PTPRM: variants seen among roughly 807,000 people sequenced by gnomAD.
The protein encoded by PTPRM is receptor-type tyrosine-protein phosphatase mu.
A neutral mutation model predicts 186.7 loss-of-function variants in PTPRM; 47 were observed. The observed-to-expected ratio is 0.25, with a 90% CI of 0.20 to 0.32. The LOEUF (loss-of-function observed/expected upper bound fraction) is 0.32. PTPRM is among the 10% of genes least tolerant of loss of function. The pLI, the probability that PTPRM is intolerant of heterozygous loss-of-function variation, is 1.00. For missense variants in PTPRM, 1,494 were observed against 1,865.0 expected, an observed-to-expected ratio of 0.80 and a Z score of 3.66; for synonymous variants, 668 against 674.9, an observed-to-expected ratio of 0.99 and a Z score of 0.16.
intron 1 of PTPRM, among the ~76,000 whole-genome samples, chr18:7,752,690 A>G (rs575490731): frequency 5.3e-4 from 81 of 152,010 alleles, no homozygotes; most frequent in African/African-American, 1.9e-3. Context: ...TGATCCGCCT[A>G]CCTCGGCCTC....
At chr18:8,372,827 A>T (rs2095671563) in intron 24 of PTPRM, among the ~76,000 whole-genome samples, 1 of 151,394 alleles carries the variant, frequency 6.6e-6, no homozygotes, top group African/African-American at 2.4e-5. Context: ...TTTTTTCTTT[A>T]AAAAAAAATC....
intron 2 of PTPRM, among the ~76,000 whole-genome samples, chr18:7,819,518 A>G (rs1443903640): frequency 6.6e-6 from 1 of 152,126 alleles, no homozygotes; most frequent in Non-Finnish European, 1.5e-5. Flanking sequence ...ACTCTAGGGG[A>G]AAAGCATCTC....
At chr18:7,868,676 C>T (rs1338970982) in intron 2 of PTPRM, among the ~76,000 whole-genome samples, 1 of 152,236 alleles carries the variant, frequency 6.6e-6, no homozygotes, top group Non-Finnish European at 1.5e-5. Context: ...GCACAGGGGT[C>T]AGGGACCCAC....
chr18:7,826,101 G>A (rs541327186), intron 2 of PTPRM, among the ~76,000 whole-genome samples: 26 of 152,272 alleles, frequency 1.7e-4, no homozygotes, highest in African/African-American at 5.5e-4. Context: ...CAATAGCAGC[G>A]TTCAGAACCT....
chr18:7,807,270 C>A (rs925261741), intron 2 of PTPRM, among the ~76,000 whole-genome samples: 3 of 152,218 alleles, frequency 2.0e-5, no homozygotes, highest in Non-Finnish European at 4.4e-5. Flanking sequence ...AGGAAAGACT[C>A]TTCTTACACT....
At chr18:8,404,269 C>G (rs1352200842) in intron 32 of PTPRM, 3 of 152,218 alleles carry the variant, frequency 2.0e-5, no homozygotes, top group African/African-American at 7.2e-5. Context: ...TGACATTAAT[C>G]TCATGGCACC....
chr18:7,712,448 G>A (rs1242689821), intron 1 of PTPRM, among the ~76,000 whole-genome samples: 3 of 152,056 alleles, frequency 2.0e-5, no homozygotes, highest in South Asian at 2.1e-4. Flanking sequence ...CTGGAATGCC[G>A]AATGCCTCTT....
At chr18:7,749,904 C>T (rs1279183726) in intron 1 of PTPRM, among the ~76,000 whole-genome samples, 1 of 152,176 alleles carries the variant, frequency 6.6e-6, no homozygotes, top group African/African-American at 2.4e-5. Context: ...TTAAAAAATT[C>T]AGTTAAGCAA....
intron 14 of PTPRM, among the ~76,000 whole-genome samples, chr18:8,152,106 T>C (rs914078827): frequency 3.3e-5 from 5 of 152,166 alleles, no homozygotes; most frequent in Non-Finnish European, 7.4e-5. Context: ...TATTCAGCCA[T>C]CTTGCCAGCA....
chr18:7,788,396 A>C (rs1052337775), intron 2 of PTPRM, among the ~76,000 whole-genome samples: 1 of 152,216 alleles, frequency 6.6e-6, no homozygotes, highest in Admixed American at 6.5e-5. Flanking sequence ...TTGGAAAAAT[A>C]TGAAAGTATG....
At chr18:7,954,041 C>T (rs569529636) in intron 6 of PTPRM, among the ~76,000 whole-genome samples, 45 of 152,120 alleles carry the variant, frequency 3.0e-4, no homozygotes, top group African/African-American at 1.0e-3. Flanking sequence ...GGTAGAAATA[C>T]GTTGTTTTGT....
At chr18:8,339,187 A>G (rs2095458691) in intron 22 of PTPRM, among the ~76,000 whole-genome samples, 2 of 151,864 alleles carry the variant, frequency 1.3e-5, no homozygotes, top group Admixed American at 1.3e-4. Context: ...TTGAAAAAAA[A>G]AAACGTTCCG....
chr18:8,374,490 C>G lies in PTPRM; in HGVS notation c.3172-1556C>G, dbSNP rs1425542845. Among the ~76,000 whole-genome samples, 3 of 152,120 alleles carry G rather than the reference C, an allele frequency of 2.0e-5. No individual in the cohort carries two copies. The East Asian group carries it at 5.8e-4, about 29-fold the overall frequency. On this transcript the variant is annotated intron_variant, in intron 24 of 32. Transcript: ENST00000580170. ...GTCATCATGCAGAAAGCTGGGGGAG[C>G]TTTCTAGGGGTTTTGAGGGTGACAC...
intron 32 of PTPRM, chr18:8,404,332 C>T (rs1157186232): frequency 6.6e-6 from 1 of 152,196 alleles, no homozygotes; most frequent in Non-Finnish European, 1.5e-5. Context: ...TGGATCATGA[C>T]CTTCCCGAGG....
rs139292009 is a variant in PTPRM at position 8,379,107 on chromosome 18, C to T, written c.3613-60C>T. The T allele has an allele frequency of 1.3e-4, 192 of 1,439,822 alleles. 1 individual carries two copies. In the South Asian group the frequency reaches 1.6e-3, roughly 12 times the overall value. 89.2% of individuals were successfully genotyped at this position (1,439,822 alleles called of 1,614,324 possible). A position where few individuals can be genotyped will look rare whatever the true frequency, so the allele number is the denominator to read the frequency against. On this transcript the variant is annotated intron_variant, in intron 27 of 32. Coordinates refer to ENST00000580170, the MANE Select transcript of PTPRM (RefSeq NM_001105244.2). ...AAGTTTGCATCTTTCGAAAACTGCA[C>T]GTGAGAGGAGTCCGCTGCCAAGGCT...
intron 1 of PTPRM, among the ~76,000 whole-genome samples, chr18:7,628,197 G>A (rs779270460): frequency 5.9e-5 from 9 of 152,066 alleles, no homozygotes; most frequent in Non-Finnish European, 1.0e-4. Flanking sequence ...CACAGGATAT[G>A]TATTCTGTGA....
chr18:7,577,421 G>T (rs1166986621), intron 1 of PTPRM, among the ~76,000 whole-genome samples: 1 of 152,078 alleles, frequency 6.6e-6, no homozygotes, highest in African/African-American at 2.4e-5. Context: ...GTATATTAAA[G>T]GAACCATGGT....
At chr18:7,862,991 A>G (rs17558863) in intron 2 of PTPRM, among the ~76,000 whole-genome samples, 7,632 of 152,238 alleles carry the variant, frequency 0.05, 193 homozygotes, top group Middle Eastern at 0.12. Context: ...TATTGCTTCC[A>G]ATAGTCATAC....
At chr18:8,195,012 A>T (rs1378055249) in intron 14 of PTPRM, among the ~76,000 whole-genome samples, 1 of 152,312 alleles carries the variant, frequency 6.6e-6, no homozygotes, top group East Asian at 1.9e-4. Context: ...GCAGGACTCT[A>T]CATGCAAACA....
Sources: allele counts gnomAD v4.1 joint callset (sites outside exome capture counted in the v4.1 genomes callset), GRCh38; gene constraint gnomAD v4.1.1; transcripts MANE v1.5; gene names NCBI Gene and HGNC (gene_info 2026-07-23, HGNC 2026-07-21).